The following CA10 variants were observed in gnomAD, a reference collection of about 807,000 sequenced individuals.
CA10 encodes carbonic anhydrase-related protein 10.
CA10 carries 14 observed loss-of-function variants against 44.2 expected under a neutral mutation model. That is an observed-to-expected ratio of 0.32 (90% CI 0.21 to 0.50). The LOEUF is 0.50. Ranked by LOEUF, CA10 falls within the 20% of genes least tolerant of loss-of-function variation. CA10 has a pLI of 0.99. For synonymous variants in CA10, 159 were observed against 141.6 expected, an observed-to-expected ratio of 1.12 and a Z score of -0.87; for missense variants, 350 against 409.7, an observed-to-expected ratio of 0.85 and a Z score of 1.26.
At chr17:51,665,377 C>T (rs924456608) in intron 4 of CA10, among the ~76,000 whole-genome samples, 1 of 152,040 alleles carries the variant, frequency 6.6e-6, no homozygotes, top group East Asian at 1.9e-4. Flanking sequence ...TAGGTGTGCT[C>T]GGTGAGTCAC....
At chr17:51,799,696 T>C (rs945860010) in intron 3 of CA10, among the ~76,000 whole-genome samples, 2 of 152,198 alleles carry the variant, frequency 1.3e-5, no homozygotes, top group African/African-American at 4.8e-5. Context: ...CAATAAAAGT[T>C]TGTTGCAAAA....
chr17:51,760,474 G>T (rs1405457779), intron 3 of CA10, among the ~76,000 whole-genome samples: 1 of 152,100 alleles, frequency 6.6e-6, no homozygotes, highest in East Asian at 1.9e-4. Context: ...GATGGTGGCG[G>T]TATGGAGGAG....
intron 3 of CA10, among the ~76,000 whole-genome samples, chr17:51,914,666 T>C (rs1371455874): frequency 1.3e-5 from 2 of 152,212 alleles, no homozygotes; most frequent in African/African-American, 4.8e-5. Flanking sequence ...GGAAATTGGC[T>C]GAAGGTCAGG....
chr17:51,836,335 C>T (rs1470997217), intron 3 of CA10, among the ~76,000 whole-genome samples: 2 of 152,218 alleles, frequency 1.3e-5, no homozygotes, highest in African/African-American at 4.8e-5. Context: ...CTTCCAAAGA[C>T]CCCATGAATC....
chr17:51,800,991 C>T (rs1429024618), intron 3 of CA10, among the ~76,000 whole-genome samples: 1 of 152,142 alleles, frequency 6.6e-6, no homozygotes, highest in Non-Finnish European at 1.5e-5. Context: ...CTAGGAGTGC[C>T]TGGTCTGCCT....
chr17:51,887,594 G>A (rs1413548049), intron 3 of CA10, among the ~76,000 whole-genome samples: 2 of 152,182 alleles, frequency 1.3e-5, no homozygotes, highest in Non-Finnish European at 2.9e-5. Flanking sequence ...ATTTACCTCA[G>A]CCTCAGTTTC....
chr17:52,061,922 A>C, intron 2 of CA10, among the ~76,000 whole-genome samples: 1 of 152,188 alleles, frequency 6.6e-6, no homozygotes, highest in East Asian at 1.9e-4. Context: ...GGATGTATTG[A>C]AGGATAAACT....
Position 51,633,658 on chromosome 17 carries a change from G to C in CA10, c.790-8C>G, listed in dbSNP as rs1168360136. 4 of 1,610,144 alleles carry C rather than the reference G, an allele frequency of 2.5e-6. No homozygotes were observed. The highest frequency in any genetic ancestry group is 3.4e-6 in the Non-Finnish European group (4 of 1,177,956). ...CAGGCGCAAGGAATGCATCTGAGGA[G>C]AGAGAAGTGGCCGTGAGATCCAACC... On this transcript the variant is annotated splice_region_variant and splice_polypyrimidine_tract_variant and intron_variant, in intron 7 of 8. Transcript: ENST00000451037.
chr17:51,818,270 A>C (rs1030379440), intron 3 of CA10, among the ~76,000 whole-genome samples: 1 of 152,214 alleles, frequency 6.6e-6, no homozygotes, highest in African/African-American at 2.4e-5. Flanking sequence ...TAGCTGAGTA[A>C]ATCTTTCTTT....
At chr17:52,108,808 T>C (rs1390270449) in intron 1 of CA10, among the ~76,000 whole-genome samples, 1 of 150,996 alleles carries the variant, frequency 6.6e-6, no homozygotes, top group Admixed American at 6.6e-5. Flanking sequence ...TATGGTGCAG[T>C]GTATACTGCT....
intron 3 of CA10, among the ~76,000 whole-genome samples, chr17:51,851,791 T>C (rs935832947): frequency 1.3e-5 from 2 of 152,230 alleles, no homozygotes; most frequent in Admixed American, 6.5e-5. Flanking sequence ...TTGGCCATGT[T>C]TCCTCATGAA....
intron 3 of CA10, among the ~76,000 whole-genome samples, chr17:51,881,913 C>A (rs57574571): frequency 0.066 from 10,036 of 152,104 alleles, 648 homozygotes; most frequent in African/African-American, 0.17. Flanking sequence ...CACTTCTAGG[C>A]ACATATCCTA....
At chr17:52,137,375 A>G (rs895893823) in intron 1 of CA10, among the ~76,000 whole-genome samples, 15 of 152,236 alleles carry the variant, frequency 9.9e-5, no homozygotes, top group Non-Finnish European at 1.5e-4. Context: ...ATCACTCAAT[A>G]AATATTGACT....
At chr17:51,972,792 A>C (rs1984329140) in intron 2 of CA10, among the ~76,000 whole-genome samples, 1 of 152,142 alleles carries the variant, frequency 6.6e-6, no homozygotes, top group African/African-American at 2.4e-5. Context: ...AAAAACAGAA[A>C]TCTAAAACCA....
chr17:51,901,100 G>T (rs1167491818), intron 3 of CA10, among the ~76,000 whole-genome samples: 1 of 152,102 alleles, frequency 6.6e-6, no homozygotes, highest in East Asian at 1.9e-4. Flanking sequence ...TTTTTGATTT[G>T]CCAGAGTTCT....
At chr17:52,138,959 T>C (rs1478336928) in intron 1 of CA10, among the ~76,000 whole-genome samples, 3 of 152,172 alleles carry the variant, frequency 2.0e-5, no homozygotes, top group Non-Finnish European at 4.4e-5. Flanking sequence ...GGAGTGCTCC[T>C]AGAAAATTGG....
chr17:51,995,705 C>G (rs1338397009), intron 2 of CA10, among the ~76,000 whole-genome samples: 1 of 152,050 alleles, frequency 6.6e-6, no homozygotes, highest in Non-Finnish European at 1.5e-5. Context: ...GGTTCTCTGA[C>G]TATCCAGGCC....
chr17:52,024,902 A>C (rs1184604796), intron 2 of CA10, among the ~76,000 whole-genome samples: 2 of 151,888 alleles, frequency 1.3e-5, no homozygotes, highest in African/African-American at 4.8e-5. Context: ...ATGGTCATAA[A>C]GTAAAAATGA....
chr17:51,774,870 T>C (rs777554948), intron 3 of CA10, among the ~76,000 whole-genome samples: 14 of 152,150 alleles, frequency 9.2e-5, no homozygotes, highest in Non-Finnish European at 1.8e-4. Flanking sequence ...CCAAGATACA[T>C]GCAGAGGTTT....
Sources: allele counts gnomAD v4.1 joint callset (sites outside exome capture counted in the v4.1 genomes callset), GRCh38; gene constraint gnomAD v4.1.1; transcripts MANE v1.5; gene names NCBI Gene and HGNC (gene_info 2026-07-23, HGNC 2026-07-21).